The following DNAJC25 variants were observed in gnomAD, a reference collection of about 807,000 sequenced individuals.
The protein encoded by DNAJC25 is dnaJ homolog subfamily C member 25.
A neutral mutation model predicts 42.1 loss-of-function variants in DNAJC25; 26 were observed. The ratio of observed to expected loss-of-function variants is 0.62; its 90% CI spans 0.45 to 0.86. The LOEUF (loss-of-function observed/expected upper bound fraction) is 0.86. Ranked by LOEUF, DNAJC25 falls within the 40% of genes least tolerant of loss-of-function variation. The probability of loss-of-function intolerance (pLI) is 0.00; values close to 1 mark genes in which losing one functional copy is unlikely to be tolerated. For missense variants in DNAJC25, 404 were observed against 459.4 expected (o/e 0.88, Z 1.10); for synonymous variants, 189 against 179.9 (o/e 1.05, Z -0.40).
At chr9:111,637,844 T>A in intron 1 of DNAJC25, among the ~76,000 whole-genome samples, 1 of 152,282 alleles carries the variant, frequency 6.6e-6, no homozygotes, top group Middle Eastern at 3.2e-3. Context: ...GATCTTTGTC[T>A]GTTTCTCCTG....
At chr9:111,650,015 A>C (rs1469838451) in intron 3 of DNAJC25, 92 bp downstream of exon 3, 1 of 1,185,000 alleles carries the variant, frequency 8.4e-7, no homozygotes, top group African/African-American at 1.6e-5. Flanking sequence ...AAGTGTGCTC[A>C]CATTTCTGAA....
At chr9:111,641,671 A>G (rs1275527455) in intron 1 of DNAJC25, among the ~76,000 whole-genome samples, 2 of 79,286 alleles carry the variant, frequency 2.5e-5, no homozygotes, top group African/African-American at 6.4e-5. Flanking sequence ...TCCGGGAGGG[A>G]GGTGGGGGGG....
intron 1 of DNAJC25, among the ~76,000 whole-genome samples, chr9:111,641,614 C>A (rs1830468432): frequency 7.5e-6 from 1 of 133,686 alleles, no homozygotes; most frequent in African/African-American, 2.9e-5. Context: ...CCGCCCCGTC[C>A]GGGAGGGAGG....
In DNAJC25 at chr9:111,631,395, A is replaced by G. The variant is rs1022484564; in HGVS notation, c.-13A>G. 6.1e-5 allele frequency: 78 copies of G among 1,273,486 alleles called. No individual in the cohort carries two copies. Among genetic ancestry groups the G allele is most frequent in the Non-Finnish European group, 7.3e-5 (74 of 1,013,854 alleles). The allele number at this position is 1,273,486 out of a possible 1,614,324, so 78.9% of individuals were successfully genotyped here. A position where few individuals can be genotyped will look rare whatever the true frequency, so the allele number is the denominator to read the frequency against. On this transcript the variant is annotated 5_prime_UTR_variant, in exon 1 of 4. Transcript: ENST00000313525. ...GAATCGCTGGGGTGGCAGAGCCGCCAGCGAGGCTGGGGATGGGGGCGCCGC... is the reference window on the plus strand; with the variant it reads ...GAATCGCTGGGGTGGCAGAGCCGCCGGCGAGGCTGGGGATGGGGGCGCCGC...
chr9:111,633,879 C>G (rs1009061910), intron 1 of DNAJC25, among the ~76,000 whole-genome samples: 1 of 152,136 alleles, frequency 6.6e-6, no homozygotes, highest in African/African-American at 2.4e-5. Context: ...ATAAGTGATC[C>G]ACTCAAGATC....
At chr9:111,635,297 G>A (rs1019215144) in intron 1 of DNAJC25, among the ~76,000 whole-genome samples, 2 of 152,204 alleles carry the variant, frequency 1.3e-5, no homozygotes, top group African/African-American at 4.8e-5. Context: ...GCACATCAGA[G>A]CATTAATGTT....
intron 3 of DNAJC25, among the ~76,000 whole-genome samples, chr9:111,650,816 G>A (rs899597119): frequency 6.6e-6 from 1 of 152,106 alleles, no homozygotes; most frequent in South Asian, 2.1e-4. Context: ...TAAGAAGTCT[G>A]AGATACATTA....
intron 3 of DNAJC25, among the ~76,000 whole-genome samples, chr9:111,650,380 T>C (rs1321679233): frequency 6.6e-6 from 1 of 152,078 alleles, no homozygotes; most frequent in Non-Finnish European, 1.5e-5. Context: ...GCACAAGATA[T>C]TCTGCGTAAT....
At chr9:111,648,158 CCTAT>C (rs1830595284) in intron 2 of DNAJC25, among the ~76,000 whole-genome samples, 1 of 152,166 alleles carries the variant, frequency 6.6e-6, no homozygotes, top group African/African-American at 2.4e-5. Flanking sequence ...ACTAGCCATT[CCTAT>C]CACATGCTCC....
chr9:111,639,532 A>C (rs1442466475), intron 1 of DNAJC25, among the ~76,000 whole-genome samples: 1 of 152,152 alleles, frequency 6.6e-6, no homozygotes, highest in Non-Finnish European at 1.5e-5. Flanking sequence ...GATAGAGAAG[A>C]AGATAAGTTG....
At chr9:111,652,180 ATG>A (rs1830670934) in intron 3 of DNAJC25, among the ~76,000 whole-genome samples, 1 of 152,132 alleles carries the variant, frequency 6.6e-6, no homozygotes, top group African/African-American at 2.4e-5. Flanking sequence ...GAGGAAAAGA[ATG>A]TATTCCTAGG....
rs561181496 is a variant in DNAJC25 at position 111,654,290 on chromosome 9, A to G, written c.*1068A>G. 1 of 152,342 alleles carries G rather than the reference A, an allele frequency of 6.6e-6. No homozygotes were observed. Among genetic ancestry groups the G allele is most frequent in the Admixed American group, 6.5e-5 (1 of 15,292 alleles). The allele number at this position is 152,342 out of a possible 1,614,324, so 9.4% of individuals were successfully genotyped here. A position where few individuals can be genotyped will look rare whatever the true frequency, so the allele number is the denominator to read the frequency against. ...TACATATTCACGGTAGTAAATCAGT[A>G]CCCCTGTTAAAGGATTTATCCCATT... is the stretch of plus-strand genomic sequence containing the variant. On this transcript the variant is annotated 3_prime_UTR_variant, in exon 4 of 4. Transcript: ENST00000313525.
At chr9:111,647,368 C>T (rs1830582897) in intron 2 of DNAJC25, 109 bp downstream of exon 2, 4 of 1,377,698 alleles carry the variant, frequency 2.9e-6, no homozygotes, top group Non-Finnish European at 3.0e-6. Context: ...AATTTTACTT[C>T]TAGTTGAGAT....
chr9:111,648,012 C>T (rs1013782413), intron 2 of DNAJC25, among the ~76,000 whole-genome samples: 5 of 152,252 alleles, frequency 3.3e-5, no homozygotes, highest in Non-Finnish European at 5.9e-5. Context: ...CTCCTGACCT[C>T]GTGATCCTCC....
Position 111,647,234 on chromosome 9 carries a change from G to T in DNAJC25, c.464G>T (p.Ser155Ile). Reference protein sequence around the residue: ...KVDVRVVILVSVCAISVFQFF... With the variant: ...KVDVRVVILVIVCAISVFQFF... ...GATGTTAGAGTAGTGATTTTGGTCA[G>T]CGTGTGTGCTATTTCGGTGTTTCAG... The change falls in exon 2 of 4, where the codon AGC becomes ATC. Residue 155 changes from serine (S) to isoleucine (I), a missense_variant. Ser to Ile is a moderately radical substitution (Grantham distance 142, BLOSUM62 -2). Transcript: ENST00000313525. 4 of 1,614,130 alleles carry T rather than the reference G, an allele frequency of 2.5e-6. No homozygotes were observed. Among genetic ancestry groups the T allele is most frequent in the Non-Finnish European group, 3.4e-6 (4 of 1,180,014 alleles).
chr9:111,646,500 T>C, intron 1 of DNAJC25, among the ~76,000 whole-genome samples: 1 of 152,244 alleles, frequency 6.6e-6, no homozygotes, highest in Non-Finnish European at 1.5e-5. Flanking sequence ...ATGTTTGTTA[T>C]TTGATATTCA....
chr9:111,641,548 C>T (rs1830466520), intron 1 of DNAJC25, among the ~76,000 whole-genome samples: 2 of 97,290 alleles, frequency 2.1e-5, no homozygotes, highest in South Asian at 3.0e-4. Flanking sequence ...GGACCCCGCC[C>T]GGCCAGCCGC....
intron 1 of DNAJC25, among the ~76,000 whole-genome samples, chr9:111,641,884 G>T (rs1830477543): frequency 7.0e-6 from 1 of 142,330 alleles, no homozygotes. Context: ...GCCCCTACTG[G>T]GAAGTGAGGA....
intron 1 of DNAJC25, among the ~76,000 whole-genome samples, chr9:111,646,466 A>G (rs1035611165): frequency 6.6e-6 from 1 of 152,234 alleles, no homozygotes; most frequent in African/African-American, 2.4e-5. Context: ...GAAGTACTAC[A>G]TGTTTGTAAC....
Sources: gnomAD v4.1 joint callset for allele counts (sites outside exome capture counted in the v4.1 genomes callset) on GRCh38, gnomAD v4.1.1 for gene constraint, MANE v1.5 for transcripts, NCBI Gene and HGNC (gene_info 2026-07-23, HGNC 2026-07-21) for gene names.